Variants in GPATCH3 observed in about 807,000 individuals in gnomAD.
GPATCH3 encodes G-patch domain containing 3.
GPATCH3 carries 45 observed loss-of-function variants against 53.2 expected under a neutral mutation model. That is an observed-to-expected ratio of 0.85 (90% CI 0.67 to 1.08). GPATCH3 has a LOEUF of 1.08. GPATCH3 is among the 50% of genes least tolerant of loss of function. GPATCH3 has a pLI of 0.00. For synonymous variants in GPATCH3, 280 were observed against 270.6 expected (o/e 1.03, Z -0.34); for missense variants, 680 against 687.2 (o/e 0.99, Z 0.12).
intron 6 of GPATCH3, 106 bp from the exon 7 acceptor site, chr1:26,891,332 C>A: frequency 2.4e-6 from 2 of 832,462 alleles, no homozygotes; most frequent in Non-Finnish European, 3.7e-6. Flanking sequence ...TGTCCAAAGA[C>A]AGAGGCTTTA....
rs1352924167 is a variant in GPATCH3 at position 26,897,292 on chromosome 1, T to C, written c.876+9A>G. Reference sequence around the variant, plus strand: ...TGCCAGCAAGGACAGGGTAGCACACTGTACTCACCTCATCTGAGTGAGACT... The same window carrying C: ...TGCCAGCAAGGACAGGGTAGCACACCGTACTCACCTCATCTGAGTGAGACT... On this transcript the variant is annotated intron_variant, in intron 2 of 6. Coordinates refer to ENST00000361720, the MANE Select transcript of GPATCH3 (RefSeq NM_022078.3). 1.9e-6 allele frequency: 3 copies of C among 1,613,102 alleles called. No individual in the cohort carries two copies. Among genetic ancestry groups the C allele is most frequent in the African/African-American group, 1.3e-5 (1 of 74,916 alleles).
At chr1:26,898,315 CT>C (rs1159681544) in intron 1 of GPATCH3, among the ~76,000 whole-genome samples, 1 of 151,372 alleles carries the variant, frequency 6.6e-6, no homozygotes, top group Non-Finnish European at 1.5e-5. Context: ...TCCTGATGAA[CT>C]TTTTTTTTCT....
At chr1:26,897,276 G>A in intron 2 of GPATCH3, 25 bp downstream of exon 2, 1 of 1,604,232 alleles carries the variant, frequency 6.2e-7, no homozygotes, top group Non-Finnish European at 8.5e-7. Flanking sequence ...CTGCCAGCAA[G>A]GACAGGGTAG....
At position 26,893,223 on chromosome 1, in the gene GPATCH3, A is replaced by G. The variant is rs369490222; in HGVS notation, c.1111+166T>C. ...GATGAAGGCTCTGTCCAAAACTAGC[A>G]CTTAATGTACACAACCAAAGATGTT... On this transcript the variant is annotated intron_variant, in intron 4 of 6. Transcript: ENST00000361720. 3.3e-4 allele frequency among the ~76,000 whole-genome samples: 51 copies of G among 152,268 alleles called. 1 individual carries two copies. The South Asian group carries it at 0.01, about 30-fold the overall frequency.
Position 26,890,945 on chromosome 1 carries a change from G to T in GPATCH3, c.*65C>A. 2 of 1,425,416 alleles carry T rather than the reference G, an allele frequency of 1.4e-6. No individual in the cohort carries two copies. Among genetic ancestry groups the T allele is most frequent in the Non-Finnish European group, 2.0e-6 (2 of 1,008,710 alleles). The allele number at this position is 1,425,416 out of a possible 1,614,324, so 88.3% of individuals were successfully genotyped here. A position where few individuals can be genotyped will look rare whatever the true frequency, so the allele number is the denominator to read the frequency against. On this transcript the variant is annotated 3_prime_UTR_variant, in exon 7 of 7. Coordinates refer to ENST00000361720, the MANE Select transcript of GPATCH3 (RefSeq NM_022078.3). ...TGCTCCCAGACTCCTTTCTGCTTCA[G>T]TGGTAGATGAGGCCAGGGCAGAGGG...
Position 26,891,026 on chromosome 1 carries a change from G to C in GPATCH3, c.1562C>G (p.Pro521Arg), listed in dbSNP as rs766785967. ...CCAACCCGGTCAGTCAGGCAATGAGGGGCTGTCTGAAGCACAACTGGAACC... is the reference window on the plus strand; with the variant it reads ...CCAACCCGGTCAGTCAGGCAATGAGCGGCTGTCTGAAGCACAACTGGAACC... ...VRGSSCASDS[P>R]SLPD Residue 521 changes from proline to arginine, a missense_variant, in exon 7 of 7, where the codon CCC becomes CGC. By Grantham distance (103) the Pro-to-Arg change is moderately radical. Transcript: ENST00000361720. 6.2e-7 allele frequency: 1 copy of C among 1,613,988 alleles called. No homozygotes were observed. Among genetic ancestry groups the C allele is most frequent in the Non-Finnish European group, 8.5e-7 (1 of 1,179,920 alleles).
chr1:26,892,551 G>A lies in GPATCH3; in HGVS notation c.1234-13C>T. On this transcript the variant is annotated splice_polypyrimidine_tract_variant and intron_variant, in intron 5 of 6. Coordinates refer to ENST00000361720, the MANE Select transcript of GPATCH3 (RefSeq NM_022078.3). ...TCCGCCCAATGCCCTGCAGAGTGAAGGGACAAGACTCAAGAAATGGGGCTC... is the reference window on the plus strand; with the variant it reads ...TCCGCCCAATGCCCTGCAGAGTGAAAGGACAAGACTCAAGAAATGGGGCTC... 6.2e-7 allele frequency: 1 copy of A among 1,606,900 alleles called. No individual in the cohort carries two copies. The highest frequency in any genetic ancestry group is 8.5e-7 in the Non-Finnish European group (1 of 1,173,942).
chr1:26,891,247 A>C lies in GPATCH3; in HGVS notation c.1362-21T>G, dbSNP rs761848159. The C allele has an allele frequency of 3.1e-6, 5 of 1,590,422 alleles. No homozygotes were observed. In the East Asian group the frequency reaches 1.1e-4, roughly 36 times the overall value. ...GGTACCTGGATAAAAACGGGCTCTCAGTGAGAAGGCTGCTCTCAAACTCCA... is the reference window on the plus strand; with the variant it reads ...GGTACCTGGATAAAAACGGGCTCTCCGTGAGAAGGCTGCTCTCAAACTCCA... On this transcript the variant is annotated intron_variant, in intron 6 of 6. Coordinates refer to ENST00000361720, the MANE Select transcript of GPATCH3 (RefSeq NM_022078.3).
chr1:26,895,550 G>GA (rs1268053115), intron 2 of GPATCH3, among the ~76,000 whole-genome samples: 3 of 148,974 alleles, frequency 2.0e-5, no homozygotes, highest in Non-Finnish European at 4.5e-5. Context: ...AAAAGGAAAG[G>GA]AAGGAAGGAA....
chr1:26,891,315 T>C (rs2081924497), intron 6 of GPATCH3, 89 bp from the exon 7 acceptor site: 5 of 979,030 alleles, frequency 5.1e-6, no homozygotes, highest in East Asian at 2.6e-5. Flanking sequence ...TTACTACATA[T>C]CTGGTTTGTC....
At position 26,892,911 on chromosome 1, in the gene GPATCH3, C is replaced by G. The variant is rs879129683; in HGVS notation, c.1112-120G>C. The G allele has an allele frequency of 3.2e-6, 4 of 1,256,804 alleles. No individual in the cohort carries two copies. In the South Asian group the frequency reaches 5.9e-5, roughly 18 times the overall value. The allele number at this position is 1,256,804 out of a possible 1,614,324, so 77.9% of individuals were successfully genotyped here. A position where few individuals can be genotyped will look rare whatever the true frequency, so the allele number is the denominator to read the frequency against. On this transcript the variant is annotated intron_variant, in intron 4 of 6. Transcript: ENST00000361720. ...TTTTAATAGTGTTCTGTATCTCTCT[C>G]ATTAGACTGGGAGCTCCCCAAAAGT...
chr1:26,896,422 T>C lies in GPATCH3; in HGVS notation c.876+879A>G, dbSNP rs142130987. On this transcript the variant is annotated intron_variant, in intron 2 of 6. Transcript: ENST00000361720. The stretch of plus-strand genomic sequence containing the variant: ...AAAAGAAAAAATGGGCCTGGCGCAG[T>C]GGGTCATGCCTGTAATCCCAGCACT... Among the ~76,000 whole-genome samples, 157 of 150,940 alleles carry C rather than the reference T, an allele frequency of 1.0e-3. 1 individual carries two copies. Among genetic ancestry groups the C allele is most frequent in the African/African-American group, 3.5e-3 (143 of 41,004 alleles).
intron 6 of GPATCH3, 107 bp downstream of exon 6, chr1:26,892,304 C>T: frequency 3.7e-6 from 5 of 1,360,922 alleles, no homozygotes; most frequent in Non-Finnish European, 5.1e-6. Flanking sequence ...TTTTGAATTT[C>T]ATCCCGCACG....
At position 26,900,168 on chromosome 1, in the gene GPATCH3, C is replaced by T; in HGVS notation, c.275G>A (p.Arg92Gln). Residue 92 changes from arginine (R) to glutamine (Q), a missense_variant, in exon 1 of 7, where the codon CGA becomes CAA. By Grantham distance (43) the Arg-to-Gln change is conservative. Transcript: ENST00000361720. ...SATDVRPLST[R>Q]DSTPIQTRTC... ...GCGGGTCTGGATTGGAGTAGAGTCT[C>T]GAGTGGAGAGAGGCCGGACATCGGT... The T allele has an allele frequency of 6.2e-7, 1 of 1,614,050 alleles. No homozygotes were observed. Among genetic ancestry groups the T allele is most frequent in the Non-Finnish European group, 8.5e-7 (1 of 1,180,024 alleles).
In GPATCH3 at chr1:26,890,539, TCC is replaced by T; in HGVS notation, c.*469_*470del. 2 of 299,252 alleles carry T rather than the reference TCC, an allele frequency of 6.7e-6. No individual in the cohort carries two copies. Among genetic ancestry groups the T allele is most frequent in the South Asian group, 7.3e-5 (2 of 27,256 alleles). The allele number at this position is 299,252 out of a possible 1,614,324, so 18.5% of individuals were successfully genotyped here. ...CGTGACGTCGCACACCCAAGCCACCTCCCGCGGACTCTCCGCTGGCAGTCCCA... is the reference window on the plus strand; with the variant it reads ...CGTGACGTCGCACACCCAAGCCACCTCGCGGACTCTCCGCTGGCAGTCCCA... On this transcript the variant is annotated 3_prime_UTR_variant, in exon 7 of 7. Coordinates refer to ENST00000361720, the MANE Select transcript of GPATCH3 (RefSeq NM_022078.3).
chr1:26,895,543 AG>A (rs1342163879), intron 2 of GPATCH3, among the ~76,000 whole-genome samples: 287 of 148,090 alleles, frequency 1.9e-3, no homozygotes, highest in Non-Finnish European at 3.6e-3. Flanking sequence ...AAAAAAAAAA[AG>A]GAAAGGAAGG....
Position 26,894,329 on chromosome 1 carries a change from G to T in GPATCH3, c.958C>A (p.Leu320Ile). ...TTGAGCTCAATCTCCTCCTCAAAGA[G>T]CTGCTCAGTGGTCCGCTCCTGCCCG... Reference protein sequence around the residue: ...VTGQERTTEQLFEEEIELKWE... With the variant: ...VTGQERTTEQIFEEEIELKWE... Residue 320 changes from leucine (L) to isoleucine (I), a missense_variant, in exon 3 of 7, where the codon CTC (leucine) becomes ATC (isoleucine). Leu to Ile is a conservative substitution (Grantham distance 5). Coordinates refer to ENST00000361720, the MANE Select transcript of GPATCH3 (RefSeq NM_022078.3). 6.2e-7 allele frequency: 1 copy of T among 1,614,116 alleles called. No homozygotes were observed. Among genetic ancestry groups the T allele is most frequent in the Non-Finnish European group, 8.5e-7 (1 of 1,180,010 alleles).
In GPATCH3 at chr1:26,897,533, A is replaced by T. The variant is rs774688065; in HGVS notation, c.644T>A (p.Ile215Asn). 6.2e-7 allele frequency: 1 copy of T among 1,614,182 alleles called. No homozygotes were observed. The highest frequency in any genetic ancestry group is 8.5e-7 in the Non-Finnish European group (1 of 1,180,040). ...LIRACRLPPR[I>N]ITQLQLQFPK... ...GAACTGGAGCTGCAGCTGGGTGATG[A>T]TCCGAGGGGGTAGGCGGCAGGCCCG... is the stretch of plus-strand genomic sequence containing the variant. Residue 215 changes from isoleucine to asparagine, a missense_variant, in exon 2 of 7, where the codon ATC becomes AAC. By Grantham distance (149) the Ile-to-Asn change is moderately radical (BLOSUM62 -3). Coordinates refer to ENST00000361720, the MANE Select transcript of GPATCH3 (RefSeq NM_022078.3).
chr1:26,891,517 TAAAAAA>T (rs1244547371), intron 6 of GPATCH3, among the ~76,000 whole-genome samples: 3 of 137,222 alleles, frequency 2.2e-5, no homozygotes, highest in African/African-American at 8.1e-5. Flanking sequence ...GCTTACTCTT[TAAAAAA>T]AAAAAAAAAG....
Sources: gnomAD v4.1 joint callset for allele counts (sites outside exome capture counted in the v4.1 genomes callset) on GRCh38, gnomAD v4.1.1 for gene constraint, MANE v1.5 for transcripts, NCBI Gene and HGNC (gene_info 2026-07-23, HGNC 2026-07-21) for gene names.